ANKRD44: variants seen among roughly 807,000 people sequenced by gnomAD.
ANKRD44 encodes the protein serine/threonine-protein phosphatase 6 regulatory ankyrin repeat subunit B.
In ANKRD44, 35 loss-of-function variants were observed where a neutral mutation model predicts 116.0. The ratio of observed to expected loss-of-function variants is 0.30; its 90% confidence interval spans 0.23 to 0.40. The LOEUF is 0.40. Among genes scored for constraint, ANKRD44 ranks in the 10% least tolerant of loss-of-function variants. ANKRD44 has a pLI of 1.00. For synonymous variants in ANKRD44, 435 were observed against 461.8 expected (o/e 0.94, Z 0.74); for missense variants, 1,014 against 1,242.6 (o/e 0.82, Z 2.77).
intron 16 of ANKRD44, among the ~76,000 whole-genome samples, chr2:197,032,225 G>A (rs562223919): frequency 1.9e-4 from 29 of 152,226 alleles, no homozygotes; most frequent in South Asian, 1.9e-3. Context: ...TGGCTGCCGT[G>A]TGGAAAATGA....
intron 1 of ANKRD44, among the ~76,000 whole-genome samples, chr2:197,202,753 A>G (rs992438701): frequency 5.9e-5 from 9 of 151,856 alleles, no homozygotes; most frequent in African/African-American, 2.2e-4. Flanking sequence ...TTTCTAAAAA[A>G]TTTTTGTAGA....
intron 9 of ANKRD44, among the ~76,000 whole-genome samples, chr2:197,102,211 C>T (rs2078310359): frequency 6.6e-6 from 1 of 152,138 alleles, no homozygotes; most frequent in Non-Finnish European, 1.5e-5. Context: ...GTACACTCGT[C>T]TCCTATGGGT....
In ANKRD44 at chr2:197,083,406, C is replaced by T; in HGVS notation, c.1420G>A (p.Ala474Thr). The T allele has an allele frequency of 6.2e-7, 1 of 1,613,824 alleles. No homozygotes were observed. Among genetic ancestry groups the T allele is most frequent in the Non-Finnish European group, 8.5e-7 (1 of 1,179,870 alleles). ...VNETDDWGRT[A>T]LHYAAASDMD... is the part of the protein sequence containing the mutation. The stretch of plus-strand genomic sequence containing the variant: ...TCTGATGCAGCGGCGTAATGCAAAG[C>T]TGTGCGTCCCCAGTCATCTGTTTCA... Residue 474 changes from alanine to threonine, a missense_variant, in exon 14 of 28, where the codon GCT becomes ACT. Ala to Thr is a moderately conservative substitution (Grantham distance 58). Coordinates refer to ENST00000282272, the MANE Select transcript of ANKRD44 (RefSeq NM_001195144.2).
intron 1 of ANKRD44, among the ~76,000 whole-genome samples, chr2:197,291,066 A>G (rs1468097267): frequency 6.6e-6 from 1 of 152,120 alleles, no homozygotes; most frequent in Non-Finnish European, 1.5e-5. Context: ...AAGATTTGCC[A>G]GGCATGCTGG....
chr2:197,075,731 T>G (rs1242637808), intron 16 of ANKRD44, among the ~76,000 whole-genome samples: 1 of 152,206 alleles, frequency 6.6e-6, no homozygotes, highest in East Asian at 1.9e-4. Context: ...TCTGTTTATT[T>G]TTGATTACAG....
At chr2:197,049,005 A>G (rs1211800608) in intron 16 of ANKRD44, among the ~76,000 whole-genome samples, 2 of 151,702 alleles carry the variant, frequency 1.3e-5, no homozygotes, top group Admixed American at 1.3e-4. Flanking sequence ...GTCTGTTCAT[A>G]TCCTTTAGCC....
At chr2:197,045,127 G>T (rs1379158852) in intron 16 of ANKRD44, among the ~76,000 whole-genome samples, 2 of 151,678 alleles carry the variant, frequency 1.3e-5, no homozygotes, top group Non-Finnish European at 2.9e-5. Flanking sequence ...TGGTAAGAGG[G>T]AAGCAGTTGG....
At position 197,292,249 on chromosome 2, in the gene ANKRD44, C is replaced by T. The variant is rs576430850; in HGVS notation, c.27+18329G>A. Among the ~76,000 whole-genome samples, 3 of 152,316 alleles carry T rather than the reference C, an allele frequency of 2.0e-5. No homozygotes were observed. The South Asian group carries it at 6.2e-4, about 32-fold the overall frequency. On this transcript the variant is annotated intron_variant, in intron 1 of 27. Transcript: ENST00000282272. ...GTTCTAGATTCTTGAGAGATCGCCACACTGTCTTCCACAATGGTTGAACTA... is the reference window on the plus strand; with the variant it reads ...GTTCTAGATTCTTGAGAGATCGCCATACTGTCTTCCACAATGGTTGAACTA...
chr2:197,061,115 A>C (rs758885159), intron 16 of ANKRD44, among the ~76,000 whole-genome samples: 3 of 152,192 alleles, frequency 2.0e-5, no homozygotes, highest in Non-Finnish European at 2.9e-5. Context: ...TTCTTCCACT[A>C]ATGCTATAAA....
Position 197,133,623 on chromosome 2 carries a change from C to T in ANKRD44, c.261+2969G>A, listed in dbSNP as rs555210401. On this transcript the variant is annotated intron_variant, in intron 4 of 27. Transcript: ENST00000282272. ...CATGAACATGTAATATCAGTGCTTA[C>T]CAATCTAAAGAACAGACCTGTGCCA... Among the ~76,000 whole-genome samples the T allele has an allele frequency of 2.0e-5, 3 of 152,278 alleles. No individual in the cohort carries two copies. In the South Asian group the frequency reaches 6.2e-4, roughly 32 times the overall value.
At chr2:197,223,611 A>G (rs1004351558) in intron 1 of ANKRD44, among the ~76,000 whole-genome samples, 12 of 152,178 alleles carry the variant, frequency 7.9e-5, no homozygotes, top group African/African-American at 9.6e-5. Context: ...GCACTCTTGC[A>G]TTAATTTCCT....
At chr2:197,042,085 T>C (rs1325048526) in intron 16 of ANKRD44, among the ~76,000 whole-genome samples, 1 of 152,226 alleles carries the variant, frequency 6.6e-6, no homozygotes, top group African/African-American at 2.4e-5. Context: ...AATATAACTT[T>C]ATCTTCTTTT....
At chr2:197,156,969 G>C (rs2079834087) in intron 2 of ANKRD44, among the ~76,000 whole-genome samples, 1 of 152,200 alleles carries the variant, frequency 6.6e-6, no homozygotes, top group South Asian at 2.1e-4. Flanking sequence ...GGGTAGCAGG[G>C]AGGGATTTGA....
chr2:197,211,427 C>T (rs778896771), intron 1 of ANKRD44, among the ~76,000 whole-genome samples: 3 of 152,198 alleles, frequency 2.0e-5, no homozygotes, highest in Non-Finnish European at 4.4e-5. Flanking sequence ...CAGGATCAAC[C>T]AGGTACTTCC....
At chr2:197,125,790 A>G (rs559788677) in intron 5 of ANKRD44, 47 bp downstream of exon 5, 18 of 1,582,748 alleles carry the variant, frequency 1.1e-5, no homozygotes, top group African/African-American at 6.7e-5. Flanking sequence ...CTTGTGGCTG[A>G]AAGTCCTGGA....
chr2:196,988,547 G>T lies in ANKRD44; in HGVS notation c.*1044C>A, dbSNP rs575779911. ...CAACAGGAGTTTTAATTAAATCCAGGATATTAAGAGTAAGATTAAAGTTTT... is the reference window on the plus strand; with the variant it reads ...CAACAGGAGTTTTAATTAAATCCAGTATATTAAGAGTAAGATTAAAGTTTT... On this transcript the variant is annotated 3_prime_UTR_variant, in exon 28 of 28. Coordinates refer to ENST00000282272, the MANE Select transcript of ANKRD44 (RefSeq NM_001195144.2). 1.5e-3 allele frequency: 1,429 copies of T among 984,874 alleles called. 2 individuals are homozygous for T. The highest frequency in any genetic ancestry group is 1.6e-3 in the Non-Finnish European group (1,314 of 829,508). The allele number at this position is 984,874 out of a possible 1,614,324, so 61.0% of individuals were successfully genotyped here.
At chr2:197,246,626 C>T (rs556136694) in intron 1 of ANKRD44, among the ~76,000 whole-genome samples, 145 of 152,076 alleles carry the variant, frequency 9.5e-4, no homozygotes, top group Middle Eastern at 6.8e-3. Context: ...GCAATCTTTT[C>T]CCATTGTAGC....
At position 197,064,628 on chromosome 2, in the gene ANKRD44, CA is replaced by C. The variant is rs901956696; in HGVS notation, c.1650+14074del. The stretch of plus-strand genomic sequence containing the variant: ...GAAGATCTACCAAGAAAATGGAAAA[CA>C]AAAAAAAGGCAGGGGTTGCAATCCT... On this transcript the variant is annotated intron_variant, in intron 16 of 27. Transcript: ENST00000282272. 1.2e-4 allele frequency among the ~76,000 whole-genome samples: 18 copies of C among 150,786 alleles called. No individual in the cohort carries two copies. In the East Asian group the frequency reaches 1.9e-3, roughly 16 times the overall value.
At chr2:197,258,164 G>A (rs1237006011) in intron 1 of ANKRD44, among the ~76,000 whole-genome samples, 1 of 150,992 alleles carries the variant, frequency 6.6e-6, no homozygotes, top group East Asian at 1.9e-4. Context: ...GTACAGTGGT[G>A]TGATCTTGGC....
Sources: gnomAD v4.1 joint callset for allele counts (sites outside exome capture counted in the v4.1 genomes callset) on GRCh38, gnomAD v4.1.1 for gene constraint, MANE v1.5 for transcripts, NCBI Gene and HGNC (gene_info 2026-07-23, HGNC 2026-07-21) for gene names.